Variants in PCDHGA8 observed in about 807,000 individuals in gnomAD.
PCDHGA8 encodes protocadherin gamma-A8.
Under a neutral mutation model 59.2 loss-of-function variants are expected in PCDHGA8, and 45 were observed. The observed-to-expected ratio is 0.76, with a 90% CI of 0.60 to 0.98. The LOEUF (loss-of-function observed/expected upper bound fraction) is 0.98. PCDHGA8 is among the 50% of genes least tolerant of loss of function. The pLI is 0.00. For missense variants in PCDHGA8, 1,257 were observed against 1,196.2 expected, an observed-to-expected ratio of 1.05 and a Z score of -0.75; for synonymous variants, 531 against 519.0, an observed-to-expected ratio of 1.02 and a Z score of -0.32.
At chr5:141,500,840 C>G (rs1394248251) in intron 2 of PCDHGA8, among the ~76,000 whole-genome samples, 1 of 151,966 alleles carries the variant, frequency 6.6e-6, no homozygotes, top group Non-Finnish European at 1.5e-5. Context: ...TGCTAATGGG[C>G]TTTTGCTACA....
In PCDHGA8 at chr5:141,482,773, C is replaced by A. The variant is rs2009076; in HGVS notation, c.2425-12034C>A. ...ATTATGGTATTTCATTATCACTGAA[C>A]CTTAAACTGTGTGTGTGGCCGGGTA... On this transcript the variant is annotated intron_variant, in intron 1 of 3. Coordinates refer to ENST00000398604, the MANE Select transcript of PCDHGA8 (RefSeq NM_032088.2). 9.1e-3 allele frequency among the ~76,000 whole-genome samples: 1,158 copies of A among 127,768 alleles called. 29 individuals carry two copies. Among genetic ancestry groups the A allele is most frequent in the Middle Eastern group, 0.013 (3 of 228 alleles). 83.8% of individuals were successfully genotyped at this position (127,768 alleles called of 152,430 possible). A position where few individuals can be genotyped will look rare whatever the true frequency, so the allele number is the denominator to read the frequency against.
At chr5:141,495,015 G>C in intron 2 of PCDHGA8, 150 bp downstream of exon 2, 2 of 1,507,428 alleles carry the variant, frequency 1.3e-6, no homozygotes, top group East Asian at 4.9e-5. Flanking sequence ...CGGGGGGCTG[G>C]CACACAGACC....
chr5:141,395,542 TTGTGTG>T (rs55729045), intron 1 of PCDHGA8: 20,097 of 170,756 alleles, frequency 0.12, 1,101 homozygotes, highest in Admixed American at 0.15. Context: ...TTGCTATTGT[TTGTGTG>T]TGTGTGTGTG....
Position 141,393,430 on chromosome 5 carries a change from C to T in PCDHGA8, c.617C>T (p.Ala206Val). The T allele has an allele frequency of 6.2e-7, 1 of 1,614,040 alleles. No individual in the cohort carries two copies. The highest frequency in any genetic ancestry group is 8.5e-7 in the Non-Finnish European group (1 of 1,179,910). Residue 206 changes from alanine (A) to valine (V), a missense_variant, in exon 1 of 4, where the codon GCT becomes GTT. Ala to Val is a moderately conservative substitution (Grantham distance 64). Coordinates refer to ENST00000398604, the MANE Select transcript of PCDHGA8 (RefSeq NM_032088.2). ...CGCGCCCTGGACAGGGAGGAAGAGG[C>T]TGCTCACCACCTGGTCCTCACGGCC... ...LERALDREEE[A>V]AHHLVLTASD...
chr5:141,423,159 G>A lies in PCDHGA8; in HGVS notation c.2424+27922G>A, dbSNP rs750186629. On this transcript the variant is annotated intron_variant, in intron 1 of 3. Transcript: ENST00000398604. Reference sequence around the variant, plus strand: ...GAGACGCGCTCAAGCAGAGCCTCGTGGTGGCCGTCCAGGACCACGGCCAGC... The same window carrying A: ...GAGACGCGCTCAAGCAGAGCCTCGTAGTGGCCGTCCAGGACCACGGCCAGC... The A allele has an allele frequency of 1.9e-5, 31 of 1,610,746 alleles. 1 individual carries two copies. The highest frequency in any genetic ancestry group is 3.3e-4 in the Middle Eastern group (2 of 6,080).
chr5:141,417,896 C>G, intron 1 of PCDHGA8: 1 of 1,576,868 alleles, frequency 6.3e-7, no homozygotes, highest in Non-Finnish European at 8.6e-7. Flanking sequence ...CCGGGCCGGC[C>G]CGCGGCAGGT....
At chr5:141,443,874 A>G (rs2098409122) in intron 1 of PCDHGA8, among the ~76,000 whole-genome samples, 1 of 152,190 alleles carries the variant, frequency 6.6e-6, no homozygotes, top group Non-Finnish European at 1.5e-5. Flanking sequence ...AATTACTGAT[A>G]AGTCAAGAGA....
At chr5:141,426,933 G>A (rs1294433096) in intron 1 of PCDHGA8, 1 of 456,660 alleles carries the variant, frequency 2.2e-6, no homozygotes, top group Non-Finnish European at 4.4e-6. Context: ...GGACATGGGT[G>A]ACCCAGTCCC....
chr5:141,494,778 C>CA, intron 1 of PCDHGA8, 29 bp from the exon 2 acceptor site: 1 of 1,614,086 alleles, frequency 6.2e-7, no homozygotes, highest in Non-Finnish European at 8.5e-7. Context: ...CACGGGTACT[C>CA]AGCCCCTTTC....
At chr5:141,481,982 G>A (rs1378873905) in intron 1 of PCDHGA8, among the ~76,000 whole-genome samples, 2 of 151,628 alleles carry the variant, frequency 1.3e-5, no homozygotes, top group African/African-American at 2.4e-5. Context: ...CTACTTGGGA[G>A]GTTGAAGCAG....
chr5:141,500,104 T>G (rs917633032), intron 2 of PCDHGA8, among the ~76,000 whole-genome samples: 4 of 152,124 alleles, frequency 2.6e-5, no homozygotes, highest in Non-Finnish European at 4.4e-5. Flanking sequence ...AATTTATTTG[T>G]TGAATCCCTG....
At chr5:141,413,687 T>A (rs1470256826) in intron 1 of PCDHGA8, 5 of 1,613,666 alleles carry the variant, frequency 3.1e-6, no homozygotes, top group Non-Finnish European at 3.4e-6. Flanking sequence ...GTGAACTCCC[T>A]GCAGAGCTAT....
chr5:141,417,618 G>A (rs370911891), intron 1 of PCDHGA8: 3 of 654,230 alleles, frequency 4.6e-6, no homozygotes, highest in Non-Finnish European at 7.4e-6. Context: ...CCAGTGCAGA[G>A]CAAGCGCTGA....
Position 141,486,487 on chromosome 5 carries a change from C to G in PCDHGA8, c.2425-8320C>G. The G allele has an allele frequency of 6.2e-7, 1 of 1,614,086 alleles. No homozygotes were observed. The highest frequency in any genetic ancestry group is 1.1e-5 in the South Asian group (1 of 91,074). ...CTGGGAACCCTCCTCTCAGTACCCA[C>G]AGAACTATTTTCCTCAATATTTCAG... On this transcript the variant is annotated intron_variant, in intron 1 of 3. Coordinates refer to ENST00000398604, the MANE Select transcript of PCDHGA8 (RefSeq NM_032088.2). This position sits in a 1 kb window ranked among gnomAD's most constrained non-coding sequence, Gnocchi z 5.0.
In PCDHGA8 at chr5:141,408,945, G is replaced by A. The variant is rs1176579339; in HGVS notation, c.2424+13708G>A. 21 of 1,613,590 alleles carry A rather than the reference G, an allele frequency of 1.3e-5. No individual in the cohort carries two copies. In the East Asian group the frequency reaches 4.7e-4, roughly 36 times the overall value. Reference sequence around the variant, plus strand: ...CCGGTTTTCAGCAGAGACGAATATAGAATTAGTCTTAGTGAAAATCTGCCC... The same window carrying A: ...CCGGTTTTCAGCAGAGACGAATATAAAATTAGTCTTAGTGAAAATCTGCCC... On this transcript the variant is annotated intron_variant, in intron 1 of 3. Coordinates refer to ENST00000398604, the MANE Select transcript of PCDHGA8 (RefSeq NM_032088.2).
intron 1 of PCDHGA8, among the ~76,000 whole-genome samples, chr5:141,460,252 A>T (rs1342135416): frequency 6.6e-6 from 1 of 151,974 alleles, no homozygotes; most frequent in African/African-American, 2.4e-5. Flanking sequence ...AATTTTGATA[A>T]AGCCCAATTT....
chr5:141,510,795 G>T (rs994874330), intron 3 of PCDHGA8, 152 bp from the exon 4 acceptor site: 6 of 1,465,214 alleles, frequency 4.1e-6, no homozygotes. Flanking sequence ...CTTGTGAAGA[G>T]AGACTACCTT....
At chr5:141,433,034 C>G (rs1357694242) in intron 1 of PCDHGA8, 2 of 1,614,184 alleles carry the variant, frequency 1.2e-6, no homozygotes, top group Non-Finnish European at 1.7e-6. Flanking sequence ...CGAGGTTTCC[C>G]TCACCACGGA....
In PCDHGA8 at chr5:141,423,081, C is replaced by T. The variant is rs1393904828; in HGVS notation, c.2424+27844C>T. 3.1e-6 allele frequency: 5 copies of T among 1,613,966 alleles called. No individual in the cohort carries two copies. The African/African-American group carries it at 4.0e-5, about 13-fold the overall frequency. ...TTAAGGCCAGCGAGCCGGGACTCTT[C>T]GCGGTGGGGGAGCACACGGGCGAGG... is the stretch of plus-strand genomic sequence containing the variant. On this transcript the variant is annotated intron_variant, in intron 1 of 3. Coordinates refer to ENST00000398604, the MANE Select transcript of PCDHGA8 (RefSeq NM_032088.2).
Sources: gnomAD v4.1 joint callset for allele counts (sites outside exome capture counted in the v4.1 genomes callset) on GRCh38, gnomAD v4.1.1 for gene constraint, Gnocchi (gnomAD v3.1) non-coding constraint, MANE v1.5 for transcripts, NCBI Gene and HGNC (gene_info 2026-07-23, HGNC 2026-07-21) for gene names.